UBE3B: variants seen among roughly 807,000 people sequenced by gnomAD.
UBE3B encodes the protein ubiquitin-protein ligase E3B.
In UBE3B, 80 loss-of-function variants were observed where a neutral mutation model predicts 132.3. That is an observed-to-expected ratio of 0.60 (90% CI 0.50 to 0.73). UBE3B has a LOEUF of 0.73. Ranked by LOEUF, UBE3B falls within the 30% of genes least tolerant of loss-of-function variation. The pLI is 0.00. For missense variants in UBE3B, 1,196 were observed against 1,362.5 expected (o/e 0.88, Z 1.92); for synonymous variants, 487 against 520.4 (o/e 0.94, Z 0.87).
chr12:109,499,555 G>A lies in UBE3B; in HGVS notation c.941-78G>A, dbSNP rs571746444. Reference sequence around the variant, plus strand: ...CTGCACATGGGATGTGGCCGCCTGAGCCACAGGCAGGGAGCAGGGCCGGGA... The same window carrying A: ...CTGCACATGGGATGTGGCCGCCTGAACCACAGGCAGGGAGCAGGGCCGGGA... On this transcript the variant is annotated intron_variant, in intron 11 of 27. Transcript: ENST00000342494. 5 of 1,352,040 alleles carry A rather than the reference G, an allele frequency of 3.7e-6. No individual in the cohort carries two copies. The South Asian group carries it at 9.0e-5, about 24-fold the overall frequency. The allele number at this position is 1,352,040 out of a possible 1,614,324, so 83.8% of individuals were successfully genotyped here.
Position 109,532,095 on chromosome 12 carries a change from G to A in UBE3B, c.2923-1371G>A, listed in dbSNP as rs1234468224. Among the ~76,000 whole-genome samples, 28 of 152,160 alleles carry A rather than the reference G, an allele frequency of 1.8e-4. No homozygotes were observed. In the East Asian group the frequency reaches 3.1e-3, roughly 17 times the overall value. ...TTTCCTGTGTCCTCCGCCCCTCCCC[G>A]CTCGCAGGAGCGGGAAAGCTTCCCT... On this transcript the variant is annotated intron_variant, in intron 26 of 27. Transcript: ENST00000342494.
downstream of UBE3B, among the ~76,000 whole-genome samples, chr12:109,537,175 C>T (rs988059926): frequency 1.3e-5 from 2 of 152,128 alleles, no homozygotes; most frequent in African/African-American, 2.4e-5. Context: ...AAGTGATCAA[C>T]GGATGTTGAA....
intron 6 of UBE3B, 152 bp downstream of exon 6, chr12:109,486,727 T>C (rs1244494730): frequency 3.0e-6 from 2 of 674,138 alleles, no homozygotes; most frequent in Non-Finnish European, 4.9e-6. Context: ...TTTGATTCTG[T>C]TATCAATATG....
chr12:109,501,659 T>C, intron 13 of UBE3B, 125 bp downstream of exon 13: 1 of 1,214,362 alleles, frequency 8.2e-7, no homozygotes, highest in Non-Finnish European at 1.1e-6. Context: ...TTGTTATCGT[T>C]CTTGTTGTTA....
chr12:109,484,929 G>T (rs717260), intron 4 of UBE3B, among the ~76,000 whole-genome samples: 1 of 151,636 alleles, frequency 6.6e-6, no homozygotes, highest in African/African-American at 2.4e-5. Context: ...GCAAGTTTTT[G>T]TATTTTTTGT....
intron 19 of UBE3B, among the ~76,000 whole-genome samples, chr12:109,518,338 A>G (rs187062814): frequency 6.6e-6 from 1 of 152,316 alleles, no homozygotes; most frequent in Non-Finnish European, 1.5e-5. Flanking sequence ...GGTGGGCTCC[A>G]TAACGCTCTT....
At chr12:109,511,150 T>G in intron 17 of UBE3B, 54 bp from the exon 18 acceptor site, 1 of 1,526,210 alleles carries the variant, frequency 6.6e-7, no homozygotes, top group Non-Finnish European at 9.0e-7. Flanking sequence ...AGCCTCACAC[T>G]AGAGGATGGT....
At chr12:109,529,783 T>A in intron 24 of UBE3B, 107 bp from the exon 25 acceptor site, 1 of 1,373,074 alleles carries the variant, frequency 7.3e-7, no homozygotes, top group South Asian at 1.3e-5. Flanking sequence ...ACTATTTGTG[T>A]TTTTTGTAAA....
chr12:109,512,335 G>A (rs1303556839), intron 18 of UBE3B, among the ~76,000 whole-genome samples: 1 of 152,118 alleles, frequency 6.6e-6, no homozygotes. Context: ...CCCACAGAGG[G>A]CCAACACGAG....
At chr12:109,491,717 T>C (rs1877489595) in intron 9 of UBE3B, 1 of 152,174 alleles carries the variant, frequency 6.6e-6, no homozygotes, top group African/African-American at 2.4e-5. Context: ...AACACTAGCT[T>C]GGGGAGATGT....
chr12:109,500,271 A>C (rs35613116), intron 12 of UBE3B, among the ~76,000 whole-genome samples: 3,775 of 152,346 alleles, frequency 0.025, 168 homozygotes, highest in East Asian at 0.21. Flanking sequence ...GAACTTAAAA[A>C]CATGAGAAAC....
At chr12:109,517,840 A>C in intron 19 of UBE3B, 1 of 371,360 alleles carries the variant, frequency 2.7e-6, no homozygotes, top group Non-Finnish European at 5.7e-6. Context: ...GGCTTCTGGC[A>C]GCAGCTGTTC....
chr12:109,490,320 A>G (rs1393346153), intron 8 of UBE3B: 14 of 1,359,990 alleles, frequency 1.0e-5, no homozygotes, highest in Non-Finnish European at 1.3e-5. Flanking sequence ...GTTGATGTCT[A>G]GAATCATATT....
chr12:109,495,630 A>T (rs1460189404), intron 9 of UBE3B, among the ~76,000 whole-genome samples: 1 of 152,202 alleles, frequency 6.6e-6, no homozygotes, highest in East Asian at 1.9e-4. Context: ...TTACCCACGT[A>T]TTTACTGACA....
chr12:109,542,761 T>A, the UBE3B span, among the ~76,000 whole-genome samples: 26 of 152,232 alleles, frequency 1.7e-4, 1 homozygote, highest in Non-Finnish European at 2.9e-4. Context: ...AGATTCTCCT[T>A]CACAGCCTGG....
rs1238336120 is a variant in UBE3B, at chr12:109,534,469, C to T, written c.3016-122C>T. 1.4e-6 allele frequency: 2 copies of T among 1,469,994 alleles called. No homozygotes were observed. Among genetic ancestry groups the T allele is most frequent in the African/African-American group, 2.9e-5 (2 of 69,932 alleles). The allele number at this position is 1,469,994 out of a possible 1,614,324, so 91.1% of individuals were successfully genotyped here. A position where few individuals can be genotyped will look rare whatever the true frequency, so the allele number is the denominator to read the frequency against. ...CGGGTAGTGGTGCCAGGGCAGCGCCCTGCACTCTGCCCAGCATCCAGGGAC... is the reference window on the plus strand; with the variant it reads ...CGGGTAGTGGTGCCAGGGCAGCGCCTTGCACTCTGCCCAGCATCCAGGGAC... On this transcript the variant is annotated intron_variant, in intron 27 of 27. Transcript: ENST00000342494. The surrounding 1 kb of genome is among the most constrained non-coding windows in gnomAD (Gnocchi z 5.2).
chr12:109,498,008 T>C (rs1208024120), intron 10 of UBE3B, 85 bp downstream of exon 10: 6 of 1,476,186 alleles, frequency 4.1e-6, no homozygotes, highest in Non-Finnish European at 5.6e-6. Flanking sequence ...ATGGCTTCTC[T>C]GCTTATTTCC....
chr12:109,477,952 C>G lies in UBE3B; in HGVS notation c.-285C>G, dbSNP rs1478719713. 10 of 152,896 alleles carry G rather than the reference C, an allele frequency of 6.5e-5. No individual in the cohort carries two copies. The highest frequency in any genetic ancestry group is 1.5e-4 in the Non-Finnish European group (10 of 68,442). The allele number at this position is 152,896 out of a possible 1,614,324, so 9.5% of individuals were successfully genotyped here. A position where few individuals can be genotyped will look rare whatever the true frequency, so the allele number is the denominator to read the frequency against. Reference sequence around the variant, plus strand: ...TGCTCCAGGGGCTCTTTCCGCGGCCCTTTCCACCTCTTTTCACTTTGGGGA... The same window carrying G: ...TGCTCCAGGGGCTCTTTCCGCGGCCGTTTCCACCTCTTTTCACTTTGGGGA... On this transcript the variant is annotated 5_prime_UTR_variant, in exon 1 of 28. Transcript: ENST00000342494.
intron 24 of UBE3B, 28 bp downstream of exon 24, chr12:109,526,444 T>G: frequency 6.2e-7 from 1 of 1,607,874 alleles, no homozygotes. Flanking sequence ...GTTTTTAAGG[T>G]CACCACTTGA....
Sources: gnomAD v4.1 joint callset for allele counts (sites outside exome capture counted in the v4.1 genomes callset) on GRCh38, gnomAD v4.1.1 for gene constraint, Gnocchi (gnomAD v3.1) non-coding constraint, MANE v1.5 for transcripts, NCBI Gene and HGNC (gene_info 2026-07-23, HGNC 2026-07-21) for gene names.